The following POLR3B variants were observed in gnomAD, a reference collection of about 807,000 sequenced individuals.
The protein encoded by POLR3B is DNA-directed RNA polymerase III subunit RPC2.
A neutral mutation model predicts 147.4 loss-of-function variants in POLR3B; 96 were observed. The observed-to-expected ratio is 0.65, with a 90% CI of 0.55 to 0.77. POLR3B has a LOEUF of 0.77. Ranked by LOEUF, POLR3B falls within the 30% of genes least tolerant of loss-of-function variation. The pLI, the probability that POLR3B is intolerant of heterozygous loss-of-function variation, is 0.00. For missense variants in POLR3B, 1,036 were observed against 1,413.5 expected (o/e 0.73, Z 4.28); for synonymous variants, 461 against 485.9 (o/e 0.95, Z 0.67).
chr12:106,357,948 A>C lies in POLR3B; in HGVS notation c.69A>C (p.Val23=), dbSNP rs1288161748. The change falls in exon 1 of 28, where the codon GTA becomes GTC. Residue 23 remains valine (V), a synonymous_variant. Coordinates refer to ENST00000228347, the MANE Select transcript of POLR3B (RefSeq NM_018082.6). ...AGCTGGCGGCGCCGATCCCGACTGT[A>C]GAGGTCAGTGCCAGGCACGCAGGGA... ...PEQLAAPIPT[V]EEKWRLLPAF... 1.9e-6 allele frequency: 3 copies of C among 1,612,694 alleles called. No individual in the cohort carries two copies. In the African/African-American group the frequency reaches 4.0e-5, roughly 22 times the overall value.
intron 23 of POLR3B, among the ~76,000 whole-genome samples, chr12:106,486,510 G>A (rs1339258420): frequency 2.0e-5 from 3 of 151,902 alleles, no homozygotes; most frequent in Non-Finnish European, 2.9e-5. Flanking sequence ...GAGATTTCTC[G>A]TTGGAAAGAC....
Position 106,378,359 on chromosome 12 carries a change from G to A in POLR3B, c.589G>A (p.Gly197Arg). The A allele has an allele frequency of 6.2e-7, 1 of 1,612,470 alleles. No individual in the cohort carries two copies. The highest frequency in any genetic ancestry group is 8.5e-7 in the Non-Finnish European group (1 of 1,178,478). ...NRIIVEADRKGAVGASVTSST... is the reference protein window; with the variant it reads ...NRIIVEADRKRAVGASVTSST... ...GATCATCGTGGAGGCTGATAGAAAA[G>A]GGGCTGTTGGAGCTTCAGTTACCAG... is the stretch of plus-strand genomic sequence containing the variant. Residue 197 changes from glycine (G) to arginine (R), a missense_variant, in exon 8 of 28, where the codon GGG (glycine) becomes AGG (arginine). By Grantham distance (125) the Gly-to-Arg change is moderately radical. Transcript: ENST00000228347.
intron 24 of POLR3B, 102 bp from the exon 25 acceptor site, chr12:106,496,650 T>C: frequency 1.0e-6 from 1 of 973,328 alleles, no homozygotes; most frequent in Non-Finnish European, 1.6e-6. Context: ...AATTTATTAC[T>C]GTTATTAATA....
At chr12:106,408,964 T>C (rs2037185248) in intron 11 of POLR3B, among the ~76,000 whole-genome samples, 2 of 152,102 alleles carry the variant, frequency 1.3e-5, no homozygotes, top group Non-Finnish European at 2.9e-5. Context: ...TCTAATCGAG[T>C]GGCATTATAC....
chr12:106,405,432 A>G (rs1449039243), intron 10 of POLR3B, among the ~76,000 whole-genome samples: 1 of 151,900 alleles, frequency 6.6e-6, no homozygotes, highest in Non-Finnish European at 1.5e-5. Context: ...GTAGCTTTCA[A>G]TGTAGGGGTC....
chr12:106,376,262 CTTAGTGAGGTGG>C, intron 6 of POLR3B, 85 bp from the exon 7 acceptor site: 5 of 796,652 alleles, frequency 6.3e-6, no homozygotes, highest in Admixed American at 1.8e-5. Flanking sequence ...TAGATAGACC[CTTAGTGAGGTGG>C]TGTGCACTGC....
In POLR3B at chr12:106,410,942, AC is replaced by A; in HGVS notation, c.1084del (p.Leu362TrpfsTer23). ...DDRDYYGNKR[L>X]ELAGQLLSLL... ...ACAGAGATTATTATGGTAACAAGCGACTGGAATTGGCAGGACAGGTGATTTA... is the reference window on the plus strand; with the variant it reads ...ACAGAGATTATTATGGTAACAAGCGATGGAATTGGCAGGACAGGTGATTTA... On this transcript the variant is annotated frameshift_variant, in exon 12 of 28. Coordinates refer to ENST00000228347, the MANE Select transcript of POLR3B (RefSeq NM_018082.6). LOFTEE classifies it high-confidence loss of function. 2 of 1,613,700 alleles carry A rather than the reference AC, an allele frequency of 1.2e-6. No individual in the cohort carries two copies. Among genetic ancestry groups the A allele is most frequent in the Middle Eastern group, 3.3e-4 (2 of 6,058 alleles).
chr12:106,445,337 A>G (rs2037707804), intron 19 of POLR3B, among the ~76,000 whole-genome samples: 1 of 152,192 alleles, frequency 6.6e-6, no homozygotes, highest in Non-Finnish European at 1.5e-5. Context: ...ACCAAAATCT[A>G]AGAAAATTAG....
intron 11 of POLR3B, 76 bp downstream of exon 11, chr12:106,406,052 T>A: frequency 6.6e-7 from 1 of 1,514,812 alleles, no homozygotes. Flanking sequence ...GATAAGAGTT[T>A]ACCTTATTTA....
chr12:106,378,689 A>T (rs2036716445), intron 8 of POLR3B, among the ~76,000 whole-genome samples: 1 of 151,762 alleles, frequency 6.6e-6, no homozygotes, highest in Non-Finnish European at 1.5e-5. Context: ...AGTTTTTCAC[A>T]CTCCTTTTCA....
chr12:106,453,426 G>A (rs1428275444), intron 19 of POLR3B, among the ~76,000 whole-genome samples: 1 of 152,116 alleles, frequency 6.6e-6, no homozygotes, highest in African/African-American at 2.4e-5. Context: ...ACCCTAGGGT[G>A]TAACTCTGTG....
At chr12:106,409,371 T>TTTTTTTTG in intron 11 of POLR3B, among the ~76,000 whole-genome samples, 1 of 146,758 alleles carries the variant, frequency 6.8e-6, no homozygotes. Flanking sequence ...TTTTTTTTTT[T>TTTTTTTTG]CTTGAGGATG....
Position 106,437,764 on chromosome 12 carries a change from A to G in POLR3B, c.1940A>G (p.Glu647Gly). Residue 647 changes from glutamate (E) to glycine (G), a missense_variant, in exon 18 of 28, where the codon GAA (glutamate) becomes GGA (glycine). By Grantham distance (98) the Glu-to-Gly change is moderately conservative. Coordinates refer to ENST00000228347, the MANE Select transcript of POLR3B (RefSeq NM_018082.6). Reference protein sequence around the residue: ...EENDCNIALYEHTINKDTTHL... With the variant: ...EENDCNIALYGHTINKDTTHL... The stretch of plus-strand genomic sequence containing the variant: ...AATGATTGTAACATTGCACTGTACG[A>G]ACACACAATTAATAAGTAAGTAGGA... 6.3e-7 allele frequency: 1 copy of G among 1,576,320 alleles called. No individual in the cohort carries two copies. Among genetic ancestry groups the G allele is most frequent in the Non-Finnish European group, 8.7e-7 (1 of 1,145,706 alleles).
chr12:106,358,986 G>A (rs1300353807), intron 1 of POLR3B, among the ~76,000 whole-genome samples: 4 of 152,226 alleles, frequency 2.6e-5, no homozygotes, highest in Non-Finnish European at 5.9e-5. Flanking sequence ...GGGAGGCCAA[G>A]GCGGGCGGAT....
intron 10 of POLR3B, among the ~76,000 whole-genome samples, chr12:106,398,559 A>AG (rs1565883947): frequency 6.6e-6 from 1 of 152,192 alleles, no homozygotes; most frequent in Admixed American, 6.5e-5. Flanking sequence ...TGACCCCCGA[A>AG]TAGCCTAACT....
At chr12:106,490,251 C>T (rs1185283498) in intron 23 of POLR3B, among the ~76,000 whole-genome samples, 1 of 152,152 alleles carries the variant, frequency 6.6e-6, no homozygotes, top group Non-Finnish European at 1.5e-5. Flanking sequence ...AAGCTCTTGA[C>T]ACATTCAGCC....
chr12:106,459,601 TAAC>T (rs1457709314), intron 22 of POLR3B, among the ~76,000 whole-genome samples: 1 of 152,160 alleles, frequency 6.6e-6, no homozygotes, highest in African/African-American at 2.4e-5. Context: ...CTGGTGGAAT[TAAC>T]AACAGGATGA....
At chr12:106,459,187 T>G in intron 21 of POLR3B, 64 bp from the exon 22 acceptor site, 1 of 938,016 alleles carries the variant, frequency 1.1e-6, no homozygotes, top group Admixed American at 1.7e-5. Flanking sequence ...CTTTGCCTAG[T>G]TCGTAATCTT....
At chr12:106,491,138 G>A (rs1044062057) in intron 23 of POLR3B, among the ~76,000 whole-genome samples, 2 of 152,126 alleles carry the variant, frequency 1.3e-5, no homozygotes, top group Non-Finnish European at 2.9e-5. Context: ...GTATTTAGAT[G>A]CAGCCTTTCT....
Sources: allele counts gnomAD v4.1 joint callset (sites outside exome capture counted in the v4.1 genomes callset), GRCh38; gene constraint gnomAD v4.1.1; transcripts MANE v1.5; gene names NCBI Gene and HGNC (gene_info 2026-07-23, HGNC 2026-07-21).